NOL10: variants seen among roughly 807,000 people sequenced by gnomAD.
NOL10 encodes the protein H_NH0074G24.1.
A neutral mutation model predicts 103.5 loss-of-function variants in NOL10; 58 were observed. The observed-to-expected ratio is 0.56, with a 90% CI of 0.45 to 0.70. The LOEUF is 0.70. NOL10 is among the 30% of genes least tolerant of loss of function. The probability of loss-of-function intolerance (pLI) is 0.00; values close to 1 mark genes in which losing one functional copy is unlikely to be tolerated. For synonymous variants in NOL10, 287 were observed against 282.5 expected (o/e 1.02, Z -0.16); for missense variants, 763 against 807.3 (o/e 0.95, Z 0.67).
At chr2:10,640,486 A>G (rs941529351) in intron 13 of NOL10, among the ~76,000 whole-genome samples, 1 of 152,230 alleles carries the variant, frequency 6.6e-6, no homozygotes, top group Non-Finnish European at 1.5e-5. Flanking sequence ...CAGCTCACCT[A>G]GGAGAGGGCT....
intron 13 of NOL10, among the ~76,000 whole-genome samples, chr2:10,638,330 G>GACGTGACGTAACGTA (rs1553306407): frequency 4.1e-4 from 38 of 92,822 alleles, no homozygotes; most frequent in African/African-American, 1.6e-3. Context: ...GACGTGACGT[G>GACGTGACGTAACGTA]ACGTAACGTA....
At chr2:10,621,936 C>T in intron 13 of NOL10, 1 of 398,230 alleles carries the variant, frequency 2.5e-6, no homozygotes, top group Non-Finnish European at 5.1e-6. Flanking sequence ...AATAAGGCAG[C>T]CACTAAGCCA....
chr2:10,607,168 C>G lies in NOL10; in HGVS notation c.1153+17G>C. On this transcript the variant is annotated intron_variant, in intron 14 of 20. Transcript: ENST00000381685. The stretch of plus-strand genomic sequence containing the variant: ...ATAAAGTAATTACATAATATTTCAT[C>G]ACAATTTTTTTTTTACCTAAATTTT... 6.7e-7 allele frequency: 1 copy of G among 1,495,092 alleles called. No homozygotes were observed. The highest frequency in any genetic ancestry group is 9.1e-7 in the Non-Finnish European group (1 of 1,103,880). The allele number at this position is 1,495,092 out of a possible 1,614,324, so 92.6% of individuals were successfully genotyped here.
intron 10 of NOL10, among the ~76,000 whole-genome samples, chr2:10,658,825 C>A (rs953881298): frequency 2.6e-5 from 4 of 152,186 alleles, no homozygotes; most frequent in Admixed American, 6.5e-5. Flanking sequence ...CGCCTGTAAT[C>A]CCCACACTTT....
intron 13 of NOL10, among the ~76,000 whole-genome samples, chr2:10,616,737 T>C (rs893202318): frequency 1.3e-5 from 2 of 151,560 alleles, no homozygotes; most frequent in Non-Finnish European, 2.9e-5. Flanking sequence ...TTTGTAGAGA[T>C]GTAGTTTCGC....
intron 13 of NOL10, among the ~76,000 whole-genome samples, chr2:10,639,297 C>T (rs1329722188): frequency 6.6e-6 from 1 of 152,136 alleles, no homozygotes; most frequent in African/African-American, 2.4e-5. Flanking sequence ...CAGCGTGCGC[C>T]TATAGTCCCA....
In NOL10 at chr2:10,673,531, C is replaced by T; in HGVS notation, c.316G>A (p.Asp106Asn). Residue 106 changes from aspartate to asparagine, a missense_variant, in exon 5 of 21, where the codon GAC (aspartate) becomes AAC (asparagine). By Grantham distance (23) the Asp-to-Asn change is conservative. Coordinates refer to ENST00000381685, the MANE Select transcript of NOL10 (RefSeq NM_024894.4). ...EVVTFEILSD[D>N]YSKIVFLHND... is the part of the protein sequence containing the mutation. ...GCTATAAAACATACCTTTGAGTAGTCATCAGACAAAATTTCAAAGGTGACA... is the reference window on the plus strand; with the variant it reads ...GCTATAAAACATACCTTTGAGTAGTTATCAGACAAAATTTCAAAGGTGACA... 2.5e-6 allele frequency: 4 copies of T among 1,597,660 alleles called. No individual in the cohort carries two copies. Among genetic ancestry groups the T allele is most frequent in the Admixed American group, 1.7e-5 (1 of 57,766 alleles).
chr2:10,628,103 A>G (rs1006045300), intron 13 of NOL10, among the ~76,000 whole-genome samples: 13 of 152,084 alleles, frequency 8.5e-5, no homozygotes, highest in African/African-American at 3.1e-4. Context: ...TCTTCAGGCC[A>G]ATGTCCTATC....
intron 14 of NOL10, among the ~76,000 whole-genome samples, chr2:10,606,060 C>G (rs1676237728): frequency 6.6e-6 from 1 of 152,082 alleles, no homozygotes; most frequent in Non-Finnish European, 1.5e-5. Context: ...CTGACAGCAG[C>G]AGAACAAGAT....
At chr2:10,611,424 T>C (rs989770548) in intron 13 of NOL10, among the ~76,000 whole-genome samples, 1 of 152,182 alleles carries the variant, frequency 6.6e-6, no homozygotes, top group East Asian at 1.9e-4. Flanking sequence ...ATGTTAATTA[T>C]AAAACTCAAA....
intron 13 of NOL10, among the ~76,000 whole-genome samples, chr2:10,613,406 A>G (rs762826698): frequency 1.2e-4 from 18 of 152,228 alleles, no homozygotes; most frequent in Non-Finnish European, 2.9e-5. Context: ...CAATGGGATT[A>G]GTGCCAAAAC....
chr2:10,667,833 T>G (rs1029354029), intron 7 of NOL10, among the ~76,000 whole-genome samples: 11 of 152,190 alleles, frequency 7.2e-5, no homozygotes, highest in African/African-American at 2.7e-4. Flanking sequence ...CAAGTTTTTT[T>G]TTTAATAAAA....
chr2:10,588,065 T>G (rs1675207664), intron 19 of NOL10, among the ~76,000 whole-genome samples: 1 of 152,168 alleles, frequency 6.6e-6, no homozygotes, highest in African/African-American at 2.4e-5. Context: ...GCATCAATAC[T>G]TTGCCTAGGA....
intron 13 of NOL10, among the ~76,000 whole-genome samples, chr2:10,625,919 ATCACAGTAC>A (rs1015230039): frequency 1.3e-5 from 2 of 152,154 alleles, no homozygotes; most frequent in Non-Finnish European, 2.9e-5. Flanking sequence ...CATGCCTATG[ATCACAGTAC>A]TCTGGGAGGC....
chr2:10,627,762 G>A (rs2148235642), intron 13 of NOL10, among the ~76,000 whole-genome samples: 1 of 150,770 alleles, frequency 6.6e-6, no homozygotes, highest in South Asian at 2.1e-4. Context: ...GGGAGGGAGA[G>A]AGGGAGGGAG....
At chr2:10,650,643 C>G (rs1275250596) in intron 12 of NOL10, among the ~76,000 whole-genome samples, 2 of 152,114 alleles carry the variant, frequency 1.3e-5, no homozygotes, top group African/African-American at 4.8e-5. Flanking sequence ...TCTGTAGCCT[C>G]AGCTACTCAG....
chr2:10,582,773 C>A (rs950082649), intron 19 of NOL10, among the ~76,000 whole-genome samples: 35 of 152,214 alleles, frequency 2.3e-4, no homozygotes, highest in African/African-American at 8.4e-4. Flanking sequence ...TGACTCAATT[C>A]TCTCCATTCC....
intron 13 of NOL10, among the ~76,000 whole-genome samples, chr2:10,632,677 A>G (rs1677925403): frequency 6.6e-6 from 1 of 152,206 alleles, no homozygotes; most frequent in South Asian, 2.1e-4. Flanking sequence ...CACATTCCCA[A>G]TTCAATATAA....
At chr2:10,642,610 G>C (rs1266846983) in intron 13 of NOL10, among the ~76,000 whole-genome samples, 2 of 151,718 alleles carry the variant, frequency 1.3e-5, no homozygotes, top group African/African-American at 2.4e-5. Context: ...ACTTGCTCCC[G>C]CAGCTCTGCA....
Sources: allele counts gnomAD v4.1 joint callset (sites outside exome capture counted in the v4.1 genomes callset), GRCh38; gene constraint gnomAD v4.1.1; transcripts MANE v1.5; gene names NCBI Gene and HGNC (gene_info 2026-07-23, HGNC 2026-07-21).